Variants in PDHX observed in about 807,000 individuals in gnomAD.
The protein encoded by PDHX is pyruvate dehydrogenase protein X component, mitochondrial.
Under a neutral mutation model 55.3 loss-of-function variants are expected in PDHX, and 33 were observed. The observed-to-expected ratio is 0.60, with a 90% confidence interval of 0.45 to 0.80. The LOEUF (loss-of-function observed/expected upper bound fraction) is 0.80, where lower values mean the gene tolerates loss of function less well. Ranked by LOEUF, PDHX falls within the 30% of genes least tolerant of loss-of-function variation. The probability of loss-of-function intolerance (pLI) is 0.00; values close to 1 mark genes in which losing one functional copy is unlikely to be tolerated. For missense variants in PDHX, 622 were observed against 619.9 expected, an observed-to-expected ratio of 1.00 and a Z score of -0.04; for synonymous variants, 226 against 219.4, an observed-to-expected ratio of 1.03 and a Z score of -0.27.
At chr11:34,919,878 C>T (rs1853831373) in intron 1 of PDHX, among the ~76,000 whole-genome samples, 1 of 152,218 alleles carries the variant, frequency 6.6e-6, no homozygotes, top group Admixed American at 6.5e-5. Context: ...CCACATGGCA[C>T]ATTTAATCAT....
At chr11:34,942,741 A>G (rs12288060) in intron 2 of PDHX, among the ~76,000 whole-genome samples, 3 of 152,148 alleles carry the variant, frequency 2.0e-5, no homozygotes, top group East Asian at 1.9e-4. Context: ...TAATATTACT[A>G]TGTTTTTAAA....
intron 8 of PDHX, among the ~76,000 whole-genome samples, chr11:34,981,143 TC>T (rs1232744604): frequency 6.6e-6 from 1 of 151,948 alleles, no homozygotes; most frequent in African/African-American, 2.4e-5. Context: ...ATGCTGTCCT[TC>T]CCCCCTCCCC....
intron 2 of PDHX, among the ~76,000 whole-genome samples, chr11:34,943,250 T>C (rs1436005643): frequency 1.3e-5 from 2 of 152,214 alleles, no homozygotes; most frequent in African/African-American, 4.8e-5. Flanking sequence ...ATATGCAATT[T>C]GTGATTTTTA....
At chr11:34,949,439 A>G (rs1182995002) in intron 3 of PDHX, among the ~76,000 whole-genome samples, 1 of 148,966 alleles carries the variant, frequency 6.7e-6, no homozygotes, top group African/African-American at 2.6e-5. Context: ...GGTTTCTCCA[A>G]TTTGGTCAGG....
chr11:34,916,177 G>A (rs780056321), upstream of PDHX: 36 of 1,581,834 alleles, frequency 2.3e-5, no homozygotes, highest in Non-Finnish European at 3.1e-5. Flanking sequence ...GCCGGGTCCC[G>A]CCTGGGCCTC....
At chr11:34,916,212 G>A (rs1180435344), upstream of PDHX, 3 of 1,607,188 alleles carry the variant, frequency 1.9e-6, no homozygotes, top group Non-Finnish European at 2.5e-6. Flanking sequence ...CCGGGCACCG[G>A]TGGCCCCGCC....
intron 1 of PDHX, among the ~76,000 whole-genome samples, chr11:34,921,699 G>A (rs1035037066): frequency 6.6e-6 from 1 of 152,176 alleles, no homozygotes; most frequent in Non-Finnish European, 1.5e-5. Flanking sequence ...ACTCAGCTGA[G>A]ATGTTTGCCC....
At chr11:34,939,388 T>G (rs776562038) in intron 2 of PDHX, among the ~76,000 whole-genome samples, 1 of 152,172 alleles carries the variant, frequency 6.6e-6, no homozygotes, top group Non-Finnish European at 1.5e-5. Flanking sequence ...TTGAGAACAT[T>G]CAATGGACAG....
chr11:34,927,534 C>T (rs1421202394), intron 1 of PDHX, among the ~76,000 whole-genome samples: 4 of 151,958 alleles, frequency 2.6e-5, no homozygotes, highest in Non-Finnish European at 5.9e-5. Context: ...CCATAAAGGG[C>T]AGATATTAAT....
intron 6 of PDHX, among the ~76,000 whole-genome samples, chr11:34,967,832 A>G (rs1204828003): frequency 6.6e-6 from 1 of 152,222 alleles, no homozygotes; most frequent in Non-Finnish European, 1.5e-5. Flanking sequence ...AATGATTAAT[A>G]TACTGCATAC....
intron 4 of PDHX, among the ~76,000 whole-genome samples, chr11:34,957,906 T>C (rs1854941074): frequency 6.6e-6 from 1 of 152,192 alleles, no homozygotes. Context: ...CCAAACTTGA[T>C]ACTCTGTTCC....
intron 5 of PDHX, among the ~76,000 whole-genome samples, chr11:34,961,778 G>A (rs1263116556): frequency 6.6e-6 from 1 of 151,528 alleles, no homozygotes; most frequent in African/African-American, 2.4e-5. Flanking sequence ...TGTGAAGTTC[G>A]TGCCACACTG....
intron 5 of PDHX, among the ~76,000 whole-genome samples, chr11:34,964,177 G>A (rs1779789466): frequency 6.6e-6 from 1 of 152,108 alleles, no homozygotes; most frequent in African/African-American, 2.4e-5. Context: ...TCTACCTAAT[G>A]CTCCAAGTTT....
rs1855773073 is a variant in PDHX at position 34,992,334 on chromosome 11, G to A, written c.1202G>A (p.Arg401Lys). Residue 401 changes from arginine to lysine, a missense_variant, in exon 10 of 11, where the codon AGA becomes AAA. Arg to Lys is a conservative substitution (Grantham distance 26, BLOSUM62 2). Coordinates refer to ENST00000227868, the MANE Select transcript of PDHX (RefSeq NM_003477.3). ...TCTCAGGCTCTATCAAAGAAAGCAA[G>A]AGATGGAAAATTGTTGCCTGAAGAA... ...DSVKALSKKARDGKLLPEEYQ... is the reference protein window; with the variant it reads ...DSVKALSKKAKDGKLLPEEYQ... 1.9e-6 allele frequency: 3 copies of A among 1,603,550 alleles called. No individual in the cohort carries two copies. Among genetic ancestry groups the A allele is most frequent in the South Asian group, 1.1e-5 (1 of 90,808 alleles).
chr11:34,982,835 A>G (rs1001370974), intron 8 of PDHX, among the ~76,000 whole-genome samples: 4 of 152,210 alleles, frequency 2.6e-5, no homozygotes, highest in Non-Finnish European at 5.9e-5. Flanking sequence ...GCCGAATTCT[A>G]CCAGAGGTAC....
chr11:34,942,172 T>C (rs1186530940), intron 2 of PDHX, among the ~76,000 whole-genome samples: 4 of 150,784 alleles, frequency 2.7e-5, no homozygotes, highest in African/African-American at 1.0e-4. Flanking sequence ...TATACATTAA[T>C]GTTTGTTGGA....
chr11:34,960,497 C>A lies in PDHX; in HGVS notation c.620C>A (p.Pro207His). Residue 207 changes from proline to histidine, a missense_variant, in exon 5 of 11, where the codon CCT becomes CAT. By Grantham distance (77) the Pro-to-His change is moderately conservative (BLOSUM62 -2). Coordinates refer to ENST00000227868, the MANE Select transcript of PDHX (RefSeq NM_003477.3). ...GCTAGCCAGGGCACAGCCACTGGCC[C>A]TCGGGGGATATTCACTAAAGAGTAT... ...LDASQGTATG[P>H]RGIFTKEDAL... is the part of the protein sequence containing the mutation. The A allele has an allele frequency of 6.2e-7, 1 of 1,603,286 alleles. No individual in the cohort carries two copies. The highest frequency in any genetic ancestry group is 1.3e-5 in the African/African-American group (1 of 74,800).
At chr11:34,932,910 A>G (rs778632753) in intron 2 of PDHX, among the ~76,000 whole-genome samples, 2 of 152,220 alleles carry the variant, frequency 1.3e-5, no homozygotes, top group Non-Finnish European at 2.9e-5. Context: ...GGAATGAGGA[A>G]TATCTCTTTA....
At chr11:34,939,272 G>A (rs919649615) in intron 2 of PDHX, among the ~76,000 whole-genome samples, 2 of 152,064 alleles carry the variant, frequency 1.3e-5, no homozygotes, top group Admixed American at 6.6e-5. Context: ...AAAACAATGA[G>A]TTTAAACCTT....
Sources: allele counts gnomAD v4.1 joint callset (sites outside exome capture counted in the v4.1 genomes callset), GRCh38; gene constraint gnomAD v4.1.1; transcripts MANE v1.5; gene names NCBI Gene and HGNC (gene_info 2026-07-23, HGNC 2026-07-21).